The following ARHGAP44 variants were observed in gnomAD, a reference collection of about 807,000 sequenced individuals.
ARHGAP44 encodes Rho GTPase activating protein 44.
Under a neutral mutation model 106.8 loss-of-function variants are expected in ARHGAP44, and 43 were observed. That is an observed-to-expected ratio of 0.40 (90% confidence interval 0.32 to 0.52). The LOEUF (loss-of-function observed/expected upper bound fraction) is 0.52. Among genes scored for constraint, ARHGAP44 ranks in the 20% least tolerant of loss-of-function variants. ARHGAP44 has a pLI of 0.48. For synonymous variants in ARHGAP44, 439 were observed against 410.3 expected (o/e 1.07, Z -0.85); for missense variants, 866 against 1,050.5 (o/e 0.82, Z 2.43).
chr17:12,970,881 T>G (rs2039513023), intron 16 of ARHGAP44, among the ~76,000 whole-genome samples: 1 of 152,218 alleles, frequency 6.6e-6, no homozygotes, highest in African/African-American at 2.4e-5. Context: ...CAGGTTGAGT[T>G]TTATCTAGAC....
chr17:12,891,545 G>A (rs1017899978), intron 1 of ARHGAP44, among the ~76,000 whole-genome samples: 7 of 152,116 alleles, frequency 4.6e-5, no homozygotes, highest in African/African-American at 1.7e-4. Context: ...AATTCATTGA[G>A]GGTTGTGTCC....
At chr17:12,926,673 AGAAG>A (rs1247455987) in intron 6 of ARHGAP44, among the ~76,000 whole-genome samples, 3 of 151,378 alleles carry the variant, frequency 2.0e-5, no homozygotes, top group Admixed American at 1.3e-4. Context: ...TAAAAAGAAA[AGAAG>A]GAACTTGGGA....
intron 1 of ARHGAP44, among the ~76,000 whole-genome samples, chr17:12,823,817 G>A (rs999212425): frequency 6.6e-6 from 1 of 152,006 alleles, no homozygotes; most frequent in Non-Finnish European, 1.5e-5. Context: ...CCATTTCTTT[G>A]TCTCACATTC....
At chr17:12,947,230 G>A (rs720049) in intron 10 of ARHGAP44, among the ~76,000 whole-genome samples, 27,133 of 152,050 alleles carry the variant, frequency 0.18, 2,605 homozygotes, top group African/African-American at 0.28. Flanking sequence ...ACTGTCCTCC[G>A]GGATCCCCAG....
intron 16 of ARHGAP44, among the ~76,000 whole-genome samples, chr17:12,965,544 ATGGTATACCAGTTT>A (rs369608979): frequency 2.0e-5 from 3 of 152,192 alleles, no homozygotes; most frequent in African/African-American, 4.8e-5. Context: ...ACTGTGCCCT[ATGGTATACCAGTTT>A]CCACTGGTAG....
intron 1 of ARHGAP44, among the ~76,000 whole-genome samples, chr17:12,824,944 A>G (rs755116943): frequency 6.6e-6 from 1 of 151,830 alleles, no homozygotes; most frequent in Non-Finnish European, 1.5e-5. Context: ...GTTTAGGTCA[A>G]ATTCTCTTAT....
chr17:12,903,118 GA>G (rs1320459583), intron 3 of ARHGAP44, among the ~76,000 whole-genome samples: 2,785 of 81,994 alleles, frequency 0.034, 91 homozygotes, highest in African/African-American at 0.13. Flanking sequence ...GAGAGAGAGA[GA>G]GAGAGAGGAG....
At chr17:12,811,090 A>C (rs1157247495) in intron 1 of ARHGAP44, among the ~76,000 whole-genome samples, 1 of 152,126 alleles carries the variant, frequency 6.6e-6, no homozygotes. Flanking sequence ...AGACGGGCGG[A>C]TCACGAGGTC....
At chr17:12,818,478 A>C (rs1442771405) in intron 1 of ARHGAP44, among the ~76,000 whole-genome samples, 1 of 151,964 alleles carries the variant, frequency 6.6e-6, no homozygotes. Flanking sequence ...GATCCTAATC[A>C]GTGCAATAAG....
intron 12 of ARHGAP44, among the ~76,000 whole-genome samples, chr17:12,950,047 A>G (rs1358671413): frequency 1.3e-5 from 2 of 152,258 alleles, no homozygotes; most frequent in African/African-American, 2.4e-5. Context: ...TCATGCTAAC[A>G]TAAATAGATA....
At chr17:12,936,380 CA>C (rs2038549883) in intron 7 of ARHGAP44, among the ~76,000 whole-genome samples, 1 of 152,194 alleles carries the variant, frequency 6.6e-6, no homozygotes, top group Non-Finnish European at 1.5e-5. Context: ...CCTTGACAAC[CA>C]CTGATCTTTT....
intron 3 of ARHGAP44, among the ~76,000 whole-genome samples, chr17:12,901,976 G>GT (rs11435259): frequency 0.14 from 21,907 of 151,986 alleles, 2,415 homozygotes; most frequent in East Asian, 0.33. Flanking sequence ...TCTGAACACA[G>GT]TGGCTCCTAT....
rs958131453 is a variant in ARHGAP44 at position 12,956,763 on chromosome 17, A to C, written c.1342+17A>C. On this transcript the variant is annotated intron_variant, in intron 15 of 20. Transcript: ENST00000379672. ...TCCCTGGGGGTAGGTGACAGCACCTAGGTGTGGGGGCAAGAGGCAGGGAAC... is the reference window on the plus strand; with the variant it reads ...TCCCTGGGGGTAGGTGACAGCACCTCGGTGTGGGGGCAAGAGGCAGGGAAC... 6.2e-7 allele frequency: 1 copy of C among 1,609,798 alleles called. No homozygotes were observed. Among genetic ancestry groups the C allele is most frequent in the Non-Finnish European group, 8.5e-7 (1 of 1,176,340 alleles).
chr17:12,887,236 G>C (rs908778199), intron 1 of ARHGAP44, among the ~76,000 whole-genome samples: 6 of 151,984 alleles, frequency 3.9e-5, no homozygotes, highest in African/African-American at 1.5e-4. Context: ...CTGATAGATT[G>C]ATTGACTGAT....
intron 1 of ARHGAP44, among the ~76,000 whole-genome samples, chr17:12,847,772 TG>T (rs2035616009): frequency 6.6e-6 from 1 of 152,152 alleles, no homozygotes; most frequent in South Asian, 2.1e-4. Flanking sequence ...CCCAAAGTGC[TG>T]GGATTACAGG....
At chr17:12,794,116 A>G (rs910266566) in intron 1 of ARHGAP44, among the ~76,000 whole-genome samples, 4 of 152,154 alleles carry the variant, frequency 2.6e-5, no homozygotes, top group Admixed American at 1.3e-4. Flanking sequence ...TACCTTCAAG[A>G]GAGTCTAGCA....
At chr17:12,907,140 T>A (rs1232769087) in intron 3 of ARHGAP44, among the ~76,000 whole-genome samples, 1 of 152,204 alleles carries the variant, frequency 6.6e-6, no homozygotes, top group East Asian at 1.9e-4. Flanking sequence ...GGGCTGGGTG[T>A]AGTTCAGTCA....
At chr17:12,977,299 T>C (rs1018079444) in intron 18 of ARHGAP44, among the ~76,000 whole-genome samples, 2 of 152,162 alleles carry the variant, frequency 1.3e-5, no homozygotes, top group African/African-American at 4.8e-5. Context: ...TGTTTTTGTT[T>C]GTGTTGTTTG....
At chr17:12,843,651 C>CTTTTT (rs146749216) in intron 1 of ARHGAP44, among the ~76,000 whole-genome samples, 35 of 97,098 alleles carry the variant, frequency 3.6e-4, no homozygotes, top group East Asian at 5.7e-4. Context: ...GTATTGGTTA[C>CTTTTT]TTTTTTTTTT....
Sources: gnomAD v4.1 joint callset for allele counts (sites outside exome capture counted in the v4.1 genomes callset) on GRCh38, gnomAD v4.1.1 for gene constraint, MANE v1.5 for transcripts, NCBI Gene and HGNC (gene_info 2026-07-23, HGNC 2026-07-21) for gene names.